Variants in AP3B1 observed in about 807,000 individuals in gnomAD.
AP3B1 encodes the protein adaptor related protein complex 3 subunit beta 1.
In AP3B1, 61 loss-of-function variants were observed where a neutral mutation model predicts 132.5. That is an observed-to-expected ratio of 0.46 (90% CI 0.37 to 0.57). The LOEUF (loss-of-function observed/expected upper bound fraction) is 0.57. Ranked by LOEUF, AP3B1 falls within the 20% of genes least tolerant of loss-of-function variation. AP3B1 has a pLI of 0.00. For synonymous variants in AP3B1, 388 were observed against 438.3 expected (o/e 0.89, Z 1.43); for missense variants, 1,120 against 1,289.4 (o/e 0.87, Z 2.01).
At chr5:78,175,413 A>G (rs1251400455) in intron 11 of AP3B1, among the ~76,000 whole-genome samples, 1 of 152,200 alleles carries the variant, frequency 6.6e-6, no homozygotes, top group African/African-American at 2.4e-5. Flanking sequence ...TGAGTTATTC[A>G]AGTTGTAGGT....
Position 78,278,625 on chromosome 5 carries a change from A to G in AP3B1, c.129-11030T>C, listed in dbSNP as rs866993979. 6.9e-3 allele frequency among the ~76,000 whole-genome samples: 362 copies of G among 52,264 alleles called. 11 individuals carry two copies. The highest frequency in any genetic ancestry group is 0.02 in the African/African-American group (322 of 16,452). 34.3% of individuals were successfully genotyped at this position (52,264 alleles called of 152,430 possible). A position where few individuals can be genotyped will look rare whatever the true frequency, so the allele number is the denominator to read the frequency against. The stretch of plus-strand genomic sequence containing the variant: ...AAAAAAAAAAAAAAAAAAAAAAAAA[A>G]GGGGGGGGGGGACTAATTAATTATG... On this transcript the variant is annotated intron_variant, in intron 1 of 26. Coordinates refer to ENST00000255194, the MANE Select transcript of AP3B1 (RefSeq NM_003664.5).
intron 22 of AP3B1, among the ~76,000 whole-genome samples, chr5:78,039,514 G>A (rs558362173): frequency 6.6e-6 from 1 of 152,234 alleles, no homozygotes; most frequent in African/African-American, 2.4e-5. Flanking sequence ...GGTGGCTCAC[G>A]CCTGTAATCC....
intron 22 of AP3B1, among the ~76,000 whole-genome samples, chr5:78,045,856 A>G (rs905894145): frequency 3.9e-5 from 6 of 152,242 alleles, no homozygotes; most frequent in African/African-American, 1.2e-4. Context: ...TAAACACAAT[A>G]CATGTAGGGC....
chr5:78,169,087 G>A (rs764814120), intron 11 of AP3B1, among the ~76,000 whole-genome samples: 5 of 151,938 alleles, frequency 3.3e-5, no homozygotes, highest in Middle Eastern at 3.4e-3. Context: ...ACATTTTTGC[G>A]TGTATGGGCA....
chr5:78,176,404 G>A lies in AP3B1; in HGVS notation c.1041-566C>T, dbSNP rs1256462786. 2.6e-5 allele frequency among the ~76,000 whole-genome samples: 4 copies of A among 152,124 alleles called. No homozygotes were observed. The South Asian group carries it at 8.3e-4, about 32-fold the overall frequency. ...AAATAATAGCTGGATATACAGATAGGGAGAATAGGAACACAAAGGAAATGG... is the reference window on the plus strand; with the variant it reads ...AAATAATAGCTGGATATACAGATAGAGAGAATAGGAACACAAAGGAAATGG... On this transcript the variant is annotated intron_variant, in intron 9 of 26. Coordinates refer to ENST00000255194, the MANE Select transcript of AP3B1 (RefSeq NM_003664.5).
chr5:78,056,894 T>C (rs1303788512), intron 22 of AP3B1, among the ~76,000 whole-genome samples: 1 of 152,208 alleles, frequency 6.6e-6, no homozygotes, highest in East Asian at 1.9e-4. Context: ...TATTTTGTAC[T>C]ACAAGCCGAA....
chr5:78,140,499 T>C (rs148319191), intron 15 of AP3B1, among the ~76,000 whole-genome samples: 69 of 152,328 alleles, frequency 4.5e-4, no homozygotes, highest in Non-Finnish European at 8.5e-4. Flanking sequence ...TTTTCTAATT[T>C]ACAGATAGCA....
At chr5:78,069,235 C>T (rs974357814) in intron 22 of AP3B1, among the ~76,000 whole-genome samples, 1 of 152,148 alleles carries the variant, frequency 6.6e-6, no homozygotes, top group African/African-American at 2.4e-5. Context: ...TCCTATTCAA[C>T]ATAGTATTGG....
chr5:78,225,079 ACT>A (rs1216141796), intron 6 of AP3B1, among the ~76,000 whole-genome samples: 2 of 152,130 alleles, frequency 1.3e-5, no homozygotes, highest in African/African-American at 4.8e-5. Flanking sequence ...ACACAGGGCT[ACT>A]GCCTACTGTA....
chr5:78,052,574 T>G (rs1223284717), intron 22 of AP3B1, among the ~76,000 whole-genome samples: 5 of 152,226 alleles, frequency 3.3e-5, no homozygotes, highest in Non-Finnish European at 7.3e-5. Flanking sequence ...GCTGTTGCAT[T>G]AAAATGGCAG....
chr5:78,225,319 T>G (rs1746359272), intron 6 of AP3B1, among the ~76,000 whole-genome samples: 1 of 152,072 alleles, frequency 6.6e-6, no homozygotes, highest in Non-Finnish European at 1.5e-5. Context: ...TCAACTTGCC[T>G]TTTTTCAGAT....
chr5:78,286,864 A>C (rs551449163), intron 1 of AP3B1, among the ~76,000 whole-genome samples: 2 of 152,314 alleles, frequency 1.3e-5, no homozygotes, highest in East Asian at 3.9e-4. Context: ...GCCTTCTCTA[A>C]ATACACGAAC....
At chr5:78,248,655 G>A (rs145275939) in intron 2 of AP3B1, among the ~76,000 whole-genome samples, 22 of 152,094 alleles carry the variant, frequency 1.4e-4, no homozygotes, top group East Asian at 7.7e-4. Context: ...TCCTTTATAC[G>A]TATTTACCAT....
intron 24 of AP3B1, among the ~76,000 whole-genome samples, chr5:78,030,723 C>T (rs1747540625): frequency 6.6e-6 from 1 of 152,150 alleles, no homozygotes; most frequent in Non-Finnish European, 1.5e-5. Flanking sequence ...GTCGCCTAGG[C>T]TGGAGTGTAG....
At chr5:78,108,960 A>T (rs538072894) in intron 20 of AP3B1, among the ~76,000 whole-genome samples, 3 of 152,250 alleles carry the variant, frequency 2.0e-5, no homozygotes, top group Admixed American at 1.3e-4. Context: ...TGTCATTTTT[A>T]AAAAATACTT....
intron 1 of AP3B1, among the ~76,000 whole-genome samples, chr5:78,273,921 C>T (rs1748659998): frequency 6.6e-6 from 1 of 150,998 alleles, no homozygotes; most frequent in Admixed American, 6.6e-5. Flanking sequence ...AAGAAGCTAT[C>T]ACCCAAAGCT....
Position 78,002,895 on chromosome 5 carries a change from A to G in AP3B1, c.*7T>C, listed in dbSNP as rs1277325815. On this transcript the variant is annotated 3_prime_UTR_variant, in exon 27 of 27. Transcript: ENST00000255194. ...GTGCCAGATTCTAAAGTCCAGATGT[A>G]AGCAGGTTACCCCTGAGACAGGACA... The G allele has an allele frequency of 6.2e-7, 1 of 1,614,184 alleles. No individual in the cohort carries two copies. The highest frequency in any genetic ancestry group is 8.5e-7 in the Non-Finnish European group (1 of 1,180,032).
chr5:78,145,322 CTCAG>C (rs1205909427), intron 14 of AP3B1, among the ~76,000 whole-genome samples: 4 of 152,166 alleles, frequency 2.6e-5, no homozygotes, highest in Non-Finnish European at 5.9e-5. Context: ...TACGTATTTT[CTCAG>C]TCATTCATCG....
At chr5:78,035,276 T>C (rs931483627) in intron 23 of AP3B1, among the ~76,000 whole-genome samples, 16 of 152,014 alleles carry the variant, frequency 1.1e-4, no homozygotes, top group African/African-American at 3.9e-4. Flanking sequence ...AATATGTATA[T>C]ATTTGTTTAT....
Sources: gnomAD v4.1 joint callset for allele counts (sites outside exome capture counted in the v4.1 genomes callset) on GRCh38, gnomAD v4.1.1 for gene constraint, MANE v1.5 for transcripts, NCBI Gene and HGNC (gene_info 2026-07-23, HGNC 2026-07-21) for gene names.